Variants in NHSL2 observed in about 807,000 individuals in gnomAD.
The protein encoded by NHSL2 is NHS-like protein 2.
In NHSL2, 27 loss-of-function variants were observed where a neutral mutation model predicts 53.4. That is an observed-to-expected ratio of 0.51 (90% CI 0.37 to 0.70). The LOEUF (loss-of-function observed/expected upper bound fraction) is 0.70, where lower values mean the gene tolerates loss of function less well. Among genes scored for constraint, NHSL2 ranks in the 30% least tolerant of loss-of-function variants. The pLI is 0.00. For missense variants in NHSL2, 892 were observed against 980.1 expected (o/e 0.91, Z 1.20); for synonymous variants, 408 against 404.1 (o/e 1.01, Z -0.12).
intron 1 of NHSL2, among the ~76,000 whole-genome samples, chrX:72,112,278 A>G (rs1308547583): frequency 1.8e-5 from 2 of 110,744 alleles, no homozygotes; most frequent in African/African-American, 6.6e-5. Flanking sequence ...GATGAGAAGC[A>G]ATGGGAAGAT....
intron 1 of NHSL2, among the ~76,000 whole-genome samples, chrX:72,005,230 G>A (rs998542638): frequency 8.9e-6 from 1 of 112,458 alleles, no homozygotes; most frequent in African/African-American, 3.2e-5. Context: ...GTTTCCCAAA[G>A]TGCAGGCATT....
intron 1 of NHSL2, among the ~76,000 whole-genome samples, chrX:71,936,507 G>C (rs1414149065): frequency 8.9e-6 from 1 of 112,841 alleles, no homozygotes; most frequent in Non-Finnish European, 1.9e-5. Context: ...GTGATCCATT[G>C]AGCCCTAGGG....
intron 1 of NHSL2, among the ~76,000 whole-genome samples, chrX:72,090,997 C>T (rs145806184): frequency 2.0e-4 from 22 of 111,825 alleles, no homozygotes; most frequent in African/African-American, 7.2e-4. Context: ...ATGGCTGAAC[C>T]ACAATTTATC....
At chrX:72,120,364 C>G (rs919872036) in intron 1 of NHSL2, among the ~76,000 whole-genome samples, 65 of 112,371 alleles carry the variant, frequency 5.8e-4, no homozygotes, top group Non-Finnish European at 1.1e-3. Context: ...CTAATTCAAC[C>G]TCTTTGCTTG....
chrX:72,096,838 G>A (rs1001700272), intron 1 of NHSL2, among the ~76,000 whole-genome samples: 1 of 111,289 alleles, frequency 9.0e-6, no homozygotes, highest in Non-Finnish European at 1.9e-5. Context: ...GCCCAGGCTG[G>A]ACTCAAACTC....
chrX:72,131,089 G>A (rs1020046104), intron 1 of NHSL2: 1 of 1,206,586 alleles, frequency 8.3e-7, no homozygotes, highest in Non-Finnish European at 1.1e-6. Flanking sequence ...CTCTATCTCA[G>A]GCCGCTCCAG....
intron 1 of NHSL2, among the ~76,000 whole-genome samples, chrX:72,052,336 C>T (rs1303189120): frequency 8.9e-6 from 1 of 112,514 alleles, no homozygotes; most frequent in Non-Finnish European, 1.9e-5. Flanking sequence ...GTGCCTGGCA[C>T]CAACTAGGGG....
intron 1 of NHSL2, among the ~76,000 whole-genome samples, chrX:72,060,394 G>A (rs1159802606): frequency 1.8e-5 from 2 of 112,394 alleles, no homozygotes; most frequent in Non-Finnish European, 3.8e-5. Context: ...AGGAGTTGTG[G>A]TTTGACTCTG....
In NHSL2 at chrX:72,145,744, G is replaced by T. The variant is rs900108789; in HGVS notation, c.*2170G>T. 8.9e-6 allele frequency: 1 copy of T among 112,322 alleles called. No individual in the cohort carries two copies. The highest frequency in any genetic ancestry group is 9.4e-5 in the Admixed American group (1 of 10,620). The allele number at this position is 112,322 out of a possible 1,213,427, so 9.3% of individuals were successfully genotyped here. The stretch of plus-strand genomic sequence containing the variant: ...TAAAGCTGAGTATGGGACTCACATA[G>T]TATAGGCCTTGTTACTTCTGTGGAC... On this transcript the variant is annotated 3_prime_UTR_variant, in exon 8 of 8. Transcript: ENST00000633930.
chrX:71,969,642 C>G (rs1318613843), intron 1 of NHSL2, among the ~76,000 whole-genome samples: 1 of 112,627 alleles, frequency 8.9e-6, no homozygotes, highest in Non-Finnish European at 1.9e-5. Context: ...ATTTAGCAAA[C>G]TTGTTGAATT....
chrX:72,009,157 A>G (rs59361577), intron 1 of NHSL2, among the ~76,000 whole-genome samples: 10,198 of 111,781 alleles, frequency 0.091, 1,155 homozygotes, highest in African/African-American at 0.32. Context: ...TCCCCAGTAT[A>G]TCAGGAAGGA....
chrX:72,091,403 G>A (rs1330000634), intron 1 of NHSL2, among the ~76,000 whole-genome samples: 2 of 110,850 alleles, frequency 1.8e-5, no homozygotes, highest in East Asian at 2.8e-4. Flanking sequence ...GCGGTGAGCC[G>A]AGATCGCGCC....
chrX:71,926,490 CAT>C (rs764450165), intron 1 of NHSL2, among the ~76,000 whole-genome samples: 3 of 110,567 alleles, frequency 2.7e-5, no homozygotes, highest in African/African-American at 9.9e-5. Context: ...TTGAACAAAA[CAT>C]TGATGTGTGT....
intron 1 of NHSL2, among the ~76,000 whole-genome samples, chrX:71,986,810 A>T (rs745531162): frequency 8.9e-6 from 1 of 111,941 alleles, no homozygotes; most frequent in East Asian, 2.8e-4. Context: ...TGTTCAGTTT[A>T]TGGAAAAACT....
At chrX:71,940,203 A>G (rs934677599) in intron 1 of NHSL2, among the ~76,000 whole-genome samples, 1 of 112,235 alleles carries the variant, frequency 8.9e-6, no homozygotes, top group Non-Finnish European at 1.9e-5. Flanking sequence ...GTTTCAAGAT[A>G]GAGGCAGTGG....
intron 1 of NHSL2, among the ~76,000 whole-genome samples, chrX:72,074,751 T>C (rs2041727227): frequency 8.9e-6 from 1 of 112,789 alleles, no homozygotes; most frequent in Non-Finnish European, 1.9e-5. Context: ...ATGCTTATAA[T>C]AAAGTGTAAC....
At chrX:72,114,541 G>T (rs2042120375) in intron 1 of NHSL2, among the ~76,000 whole-genome samples, 1 of 111,861 alleles carries the variant, frequency 8.9e-6, no homozygotes, top group South Asian at 3.7e-4. Context: ...AGTGGGTGAG[G>T]AAGCAGGATT....
Position 72,024,677 on chromosome X carries a change from A to T in NHSL2, c.281-107402A>T, listed in dbSNP as rs73635605. ...CACAGTGCTATTAGCAGCATCTGTGACTGTCACTACTAGAATCACAGCTAT... is the reference window on the plus strand; with the variant it reads ...CACAGTGCTATTAGCAGCATCTGTGTCTGTCACTACTAGAATCACAGCTAT... On this transcript the variant is annotated intron_variant, in intron 1 of 7. Transcript: ENST00000633930. Among the ~76,000 whole-genome samples the T allele has an allele frequency of 2.3e-3, 256 of 111,919 alleles. 2 individuals are homozygous for T. Among genetic ancestry groups the T allele is most frequent in the African/African-American group, 7.6e-3 (235 of 30,800 alleles).
At chrX:72,133,238 G>T (rs182758358) in intron 2 of NHSL2, among the ~76,000 whole-genome samples, 1 of 112,172 alleles carries the variant, frequency 8.9e-6, no homozygotes, top group Non-Finnish European at 1.9e-5. Flanking sequence ...GAGGGAGGGA[G>T]CTCCCCTTCC....
Sources: gnomAD v4.1 joint callset for allele counts (sites outside exome capture counted in the v4.1 genomes callset) on GRCh38, gnomAD v4.1.1 for gene constraint, MANE v1.5 for transcripts, NCBI Gene and HGNC (gene_info 2026-07-23, HGNC 2026-07-21) for gene names.